The following SLC44A5 variants were observed in gnomAD, a reference collection of about 807,000 sequenced individuals.
SLC44A5 encodes the protein solute carrier family 44 member 5.
A neutral mutation model predicts 101.8 loss-of-function variants in SLC44A5; 57 were observed. The ratio of observed to expected loss-of-function variants is 0.56; its 90% confidence interval spans 0.45 to 0.70. The LOEUF (loss-of-function observed/expected upper bound fraction) is 0.70. Among genes scored for constraint, SLC44A5 ranks in the 30% least tolerant of loss-of-function variants. The pLI, the probability that SLC44A5 is intolerant of heterozygous loss-of-function variation, is 0.00. For synonymous variants in SLC44A5, 281 were observed against 290.9 expected, an observed-to-expected ratio of 0.97 and a Z score of 0.35; for missense variants, 737 against 853.1, an observed-to-expected ratio of 0.86 and a Z score of 1.70.
At chr1:75,269,892 G>T (rs764504464) in intron 6 of SLC44A5, among the ~76,000 whole-genome samples, 30 of 152,126 alleles carry the variant, frequency 2.0e-4, no homozygotes, top group Non-Finnish European at 4.1e-4. Context: ...TTGTGGGAGG[G>T]AACCCGTGGG....
intron 2 of SLC44A5, among the ~76,000 whole-genome samples, chr1:75,430,769 T>C (rs1015152787): frequency 1.3e-5 from 2 of 152,166 alleles, no homozygotes; most frequent in African/African-American, 4.8e-5. Context: ...ACCCAGGTGG[T>C]TAGAAACTCT....
intron 5 of SLC44A5, among the ~76,000 whole-genome samples, chr1:75,289,429 G>A (rs1341635822): frequency 2.0e-5 from 3 of 152,144 alleles, no homozygotes; most frequent in Admixed American, 6.5e-5. Flanking sequence ...AATGACATGA[G>A]CTTCCCATCA....
At chr1:75,437,257 G>T (rs1664944148) in intron 2 of SLC44A5, among the ~76,000 whole-genome samples, 1 of 152,044 alleles carries the variant, frequency 6.6e-6, no homozygotes, top group Admixed American at 6.6e-5. Context: ...AGCTGACAGG[G>T]CAATCGTTTT....
At chr1:75,656,945 T>A in the SLC44A5 span, among the ~76,000 whole-genome samples, 2 of 152,154 alleles carry the variant, frequency 1.3e-5, no homozygotes. Flanking sequence ...GATCAGGAGT[T>A]CGAGACCAGC....
At chr1:75,503,944 A>AT (rs1161690828) in intron 2 of SLC44A5, among the ~76,000 whole-genome samples, 14 of 151,784 alleles carry the variant, frequency 9.2e-5, no homozygotes, top group African/African-American at 2.7e-4. Flanking sequence ...TTAAAGAGAG[A>AT]TTTTTTTTGT....
At chr1:75,588,636 A>C (rs1674161561) in intron 1 of SLC44A5, among the ~76,000 whole-genome samples, 1 of 152,216 alleles carries the variant, frequency 6.6e-6, no homozygotes, top group Admixed American at 6.5e-5. Flanking sequence ...AAGAAAAATC[A>C]TTTGGGGAAC....
chr1:75,577,456 T>G (rs1673437196), intron 1 of SLC44A5, among the ~76,000 whole-genome samples: 1 of 152,178 alleles, frequency 6.6e-6, no homozygotes, highest in Non-Finnish European at 1.5e-5. Flanking sequence ...GCCTTCGCAC[T>G]TATTCCCTCT....
chr1:75,698,714 G>C, the SLC44A5 span, among the ~76,000 whole-genome samples: 1 of 152,168 alleles, frequency 6.6e-6, no homozygotes. Flanking sequence ...CGAGCTACAG[G>C]AGGACACTCA....
rs181127288 is a variant in SLC44A5, at chr1:75,260,631, C to T, written c.261-9337G>A. ...ACAGATCAATGAGACAGAATGTTAA[C>T]AAGGATATCCGGGACCTGAACTCAG... On this transcript the variant is annotated intron_variant, in intron 6 of 23. Coordinates refer to ENST00000370859, the MANE Select transcript of SLC44A5 (RefSeq NM_001130058.2). 2.2e-4 allele frequency among the ~76,000 whole-genome samples: 34 copies of T among 152,252 alleles called. No homozygotes were observed. In the East Asian group the frequency reaches 6.6e-3, roughly 29 times the overall value.
chr1:75,352,706 C>T (rs1217684501), intron 3 of SLC44A5, among the ~76,000 whole-genome samples: 1 of 151,984 alleles, frequency 6.6e-6, no homozygotes, highest in Admixed American at 6.6e-5. Flanking sequence ...GAAGTGTTTT[C>T]AAAAAGTTTG....
chr1:75,608,371 A>G (rs1009643512), intron 1 of SLC44A5, among the ~76,000 whole-genome samples: 3 of 151,656 alleles, frequency 2.0e-5, no homozygotes, highest in African/African-American at 7.3e-5. Context: ...TACACAATGG[A>G]GTATTATTCA....
chr1:75,436,202 C>T lies in SLC44A5; in HGVS notation c.14-39581G>A, dbSNP rs377344574. 2.5e-4 allele frequency among the ~76,000 whole-genome samples: 38 copies of T among 151,814 alleles called. No individual in the cohort carries two copies. The South Asian group carries it at 7.7e-3, about 31-fold the overall frequency. On this transcript the variant is annotated intron_variant, in intron 2 of 23. Coordinates refer to ENST00000370859, the MANE Select transcript of SLC44A5 (RefSeq NM_001130058.2). ...TCTAAATTATGTGTGTGTGTAAAAC[C>T]CTCAGTTTGGTTAGTTCACAGGGAG...
At chr1:75,299,390 T>C (rs958314406) in intron 5 of SLC44A5, among the ~76,000 whole-genome samples, 2 of 152,192 alleles carry the variant, frequency 1.3e-5, no homozygotes, top group African/African-American at 2.4e-5. Flanking sequence ...TGACTTTCAG[T>C]TGGTGTTCTC....
At position 75,604,741 on chromosome 1, in the gene SLC44A5, G is replaced by C. The variant is rs576930467; in HGVS notation, c.-70+6299C>G. On this transcript the variant is annotated intron_variant, in intron 1 of 23. Coordinates refer to ENST00000370859, the MANE Select transcript of SLC44A5 (RefSeq NM_001130058.2). ...TAGAGACCTTTTACTTCCTTGGTTA[G>C]AGGTGAAACCAAGGGGTGTGTGTGT... Among the ~76,000 whole-genome samples, 482 of 123,630 alleles carry C rather than the reference G, an allele frequency of 3.9e-3. 1 individual carries two copies. Among genetic ancestry groups the C allele is most frequent in the South Asian group, 5.7e-3 (19 of 3,340 alleles). The allele number at this position is 123,630 out of a possible 152,430, so 81.1% of individuals were successfully genotyped here.
intron 6 of SLC44A5, among the ~76,000 whole-genome samples, chr1:75,251,931 T>C (rs1002779177): frequency 1.1e-3 from 162 of 152,318 alleles, no homozygotes; most frequent in African/African-American, 3.5e-3. Flanking sequence ...CACAGTTCTC[T>C]TTTGAATCTC....
intron 1 of SLC44A5, among the ~76,000 whole-genome samples, chr1:75,605,326 G>A (rs211697): frequency 0.96 from 145,370 of 152,010 alleles, 69,543 homozygotes; most frequent in East Asian, 0.97. Flanking sequence ...TAAAAGATAA[G>A]GCACATATTG....
chr1:75,360,963 T>C (rs781167618), intron 3 of SLC44A5, among the ~76,000 whole-genome samples: 1 of 152,202 alleles, frequency 6.6e-6, no homozygotes, highest in African/African-American at 2.4e-5. Context: ...TTCCATTTAT[T>C]TGTGTTTTCT....
chr1:75,597,056 C>T (rs561702027), intron 1 of SLC44A5, among the ~76,000 whole-genome samples: 14 of 152,054 alleles, frequency 9.2e-5, no homozygotes, highest in South Asian at 2.1e-4. Context: ...GACATGGTGG[C>T]GCTTGCCTGT....
chr1:75,339,721 T>C (rs1384743226), intron 3 of SLC44A5, 91 bp from the exon 4 acceptor site: 1 of 1,151,268 alleles, frequency 8.7e-7, no homozygotes, highest in African/African-American at 1.6e-5. Context: ...TATTGGTTAG[T>C]CCACTGCTCA....
Sources: allele counts gnomAD v4.1 joint callset (sites outside exome capture counted in the v4.1 genomes callset), GRCh38; gene constraint gnomAD v4.1.1; transcripts MANE v1.5; gene names NCBI Gene and HGNC (gene_info 2026-07-23, HGNC 2026-07-21).